GPX6: variants seen among roughly 807,000 people sequenced by gnomAD.
The protein encoded by GPX6 is glutathione peroxidase 6.
GPX6 carries 21 observed loss-of-function variants against 20.0 expected under a neutral mutation model. The observed-to-expected ratio is 1.05, with a 90% CI of 0.74 to 1.51. GPX6 has a LOEUF of 1.51. Among genes scored for constraint, GPX6 ranks in the 40% most tolerant of loss-of-function variants. The probability of loss-of-function intolerance (pLI) is 0.00; values close to 1 mark genes in which losing one functional copy is unlikely to be tolerated. For synonymous variants in GPX6, 75 were observed against 98.0 expected (o/e 0.77, Z 1.38); for missense variants, 233 against 254.7 (o/e 0.91, Z 0.58).
intron 1 of GPX6, among the ~76,000 whole-genome samples, chr6:28,513,633 C>G (rs555817884): frequency 6.6e-6 from 1 of 152,236 alleles, no homozygotes; most frequent in South Asian, 2.1e-4. Flanking sequence ...ACTTTTCTAC[C>G]CACAAGCATG....
chr6:28,512,656 T>C (rs923628939), intron 1 of GPX6, among the ~76,000 whole-genome samples: 1 of 152,176 alleles, frequency 6.6e-6, no homozygotes, highest in Non-Finnish European at 1.5e-5. Context: ...CCTTCCACAC[T>C]GTGGGAGCTT....
chr6:28,515,792 T>G lies in GPX6; in HGVS notation c.-49A>C. 1 of 1,509,158 alleles carries G rather than the reference T, an allele frequency of 6.6e-7. No homozygotes were observed. The highest frequency in any genetic ancestry group is 9.2e-7 in the Non-Finnish European group (1 of 1,085,822). 93.5% of individuals were successfully genotyped at this position (1,509,158 alleles called of 1,614,324 possible). A position where few individuals can be genotyped will look rare whatever the true frequency, so the allele number is the denominator to read the frequency against. Reference sequence around the variant, plus strand: ...GAGGTCCCCAGGATTTCAGCCCCTTTTGAGCCCCTGGCAGGGACCAATTTG... The same window carrying G: ...GAGGTCCCCAGGATTTCAGCCCCTTGTGAGCCCCTGGCAGGGACCAATTTG... On this transcript the variant is annotated 5_prime_UTR_variant, in exon 1 of 5. Coordinates refer to ENST00000361902, the MANE Select transcript of GPX6 (RefSeq NM_182701.1).
intron 1 of GPX6, among the ~76,000 whole-genome samples, chr6:28,513,439 G>A (rs1762952466): frequency 6.6e-6 from 1 of 152,158 alleles, no homozygotes; most frequent in African/African-American, 2.4e-5. Context: ...ACAGGTTTGA[G>A]CGGCGGGGAA....
rs776240106 is a variant in GPX6 at position 28,515,750 on chromosome 6, G to T, written c.-7C>A. On this transcript the variant is annotated 5_prime_UTR_variant, in exon 1 of 5. Coordinates refer to ENST00000361902, the MANE Select transcript of GPX6 (RefSeq NM_182701.1). ...CCTGGAACTGCTGGAACATGGCTAG[G>T]AGTTTTAGACGACTCTGAGGTCCCC... 6.2e-7 allele frequency: 1 copy of T among 1,612,506 alleles called. No individual in the cohort carries two copies. Among genetic ancestry groups the T allele is most frequent in the Non-Finnish European group, 8.5e-7 (1 of 1,178,598 alleles).
rs768522780 is a variant in GPX6, at chr6:28,504,445, C to T, written c.513G>A (p.Trp171Ter). The T allele has an allele frequency of 2.5e-6, 4 of 1,614,032 alleles. No homozygotes were observed. In the East Asian group the frequency reaches 8.9e-5, roughly 36 times the overall value. ...DLLGSSSQLF[W>*]EPMKVHDIRW... is the part of the protein sequence containing the mutation. Reference sequence around the variant, plus strand: ...GGATATCATGGACCTTCATGGGCTCCCAGAAGAGTTGGCTTGATGAGCCCA... The same window carrying T: ...GGATATCATGGACCTTCATGGGCTCTCAGAAGAGTTGGCTTGATGAGCCCA... The change falls in exon 5 of 5, where the codon TGG becomes TGA. Residue 171 changes from tryptophan (W) to a stop codon, truncating the protein, a stop_gained. Coordinates refer to ENST00000361902, the MANE Select transcript of GPX6 (RefSeq NM_182701.1). LOFTEE classifies it high-confidence loss of function.
In GPX6 at chr6:28,506,428, T is replaced by C; in HGVS notation, c.243A>G (p.Glu81=). ...TCAGCTCCTCCTGTAGTGCATTCAG[T>C]TCTGTAAGTGGACAATGAATAGCAG... is the stretch of plus-strand genomic sequence containing the variant. ...AYUGLAAQYP[E]LNALQEELKN... The change falls in exon 3 of 5, where the codon GAA becomes GAG. Residue 81 remains glutamate (E), a splice_region_variant and synonymous_variant. Coordinates refer to ENST00000361902, the MANE Select transcript of GPX6 (RefSeq NM_182701.1). 6.3e-7 allele frequency: 1 copy of C among 1,594,820 alleles called. No homozygotes were observed. The highest frequency in any genetic ancestry group is 8.6e-7 in the Non-Finnish European group (1 of 1,162,268).
chr6:28,515,596 C>G, intron 1 of GPX6, 61 bp downstream of exon 1: 1 of 1,313,296 alleles, frequency 7.6e-7, no homozygotes, highest in East Asian at 2.3e-5. Context: ...CCTTGCAACT[C>G]TGGCAGCCAG....
rs767179494 is a variant in GPX6 at position 28,504,388 on chromosome 6, G to A, written c.570C>T (p.Pro190=). 1.4e-5 allele frequency: 22 copies of A among 1,613,988 alleles called. No individual in the cohort carries two copies. The highest frequency in any genetic ancestry group is 6.6e-5 in the South Asian group (6 of 91,072). Residue 190 remains proline, a synonymous_variant, in exon 5 of 5, where the codon CCC becomes CCT. Coordinates refer to ENST00000361902, the MANE Select transcript of GPX6 (RefSeq NM_182701.1). ...ACCAATGCATGACAGGGACTCCATC[G>A]GGCCCCACCAGAAATTTCTCAAAGT... ...RWNFEKFLVG[P]DGVPVMHWFH...
chr6:28,508,934 C>T (rs1762834630), intron 2 of GPX6, among the ~76,000 whole-genome samples: 1 of 152,186 alleles, frequency 6.6e-6, no homozygotes, highest in Non-Finnish European at 1.5e-5. Context: ...TATTCAGCTA[C>T]TCTTGGTAAA....
At chr6:28,512,880 C>T (rs888761256) in intron 1 of GPX6, among the ~76,000 whole-genome samples, 6 of 152,218 alleles carry the variant, frequency 3.9e-5, no homozygotes, top group East Asian at 1.9e-4. Flanking sequence ...TCTTGAGCCT[C>T]TGCAGCTTCA....
intron 3 of GPX6, 48 bp from the exon 4 acceptor site, chr6:28,505,850 G>T: frequency 7.1e-7 from 1 of 1,417,742 alleles, no homozygotes; most frequent in Non-Finnish European, 1.0e-6. Context: ...TTAAGACATG[G>T]ATGGAAAATA....
At chr6:28,511,667 A>G (rs570909309) in intron 1 of GPX6, among the ~76,000 whole-genome samples, 2 of 152,384 alleles carry the variant, frequency 1.3e-5, no homozygotes, top group South Asian at 4.1e-4. Context: ...GTGAGAGGTG[A>G]CAACATGCTA....
At chr6:28,509,974 G>C (rs1246802980) in intron 2 of GPX6, among the ~76,000 whole-genome samples, 1 of 152,216 alleles carries the variant, frequency 6.6e-6, no homozygotes. Flanking sequence ...GTTTTTATCA[G>C]AAGTAACCGA....
rs1762957673 is a variant in GPX6 at position 28,513,480 on chromosome 6, T to G, written c.87+2177A>C. 2.6e-5 allele frequency among the ~76,000 whole-genome samples: 4 copies of G among 152,210 alleles called. No individual in the cohort carries two copies. In the South Asian group the frequency reaches 8.3e-4, roughly 32 times the overall value. On this transcript the variant is annotated intron_variant, in intron 1 of 4. Transcript: ENST00000361902. ...GCAGCGAGCCACACGCCCCGTCGCA[T>G]GCCTTGTGAGAGGGACAAGGGAACT... is the stretch of plus-strand genomic sequence containing the variant.
intron 1 of GPX6, among the ~76,000 whole-genome samples, chr6:28,512,339 G>A (rs1486083463): frequency 6.6e-6 from 1 of 152,226 alleles, no homozygotes; most frequent in Admixed American, 6.5e-5. Context: ...CTCAAGGTTT[G>A]TAAACACACC....
At position 28,515,694 on chromosome 6, in the gene GPX6, C is replaced by T; in HGVS notation, c.50G>A (p.Gly17Asp). ...AGGCTTTAGGGTCTGCTGAGCAAAGCCAACCAGGAAAAACAGGACAAGACA... is the reference window on the plus strand; with the variant it reads ...AGGCTTTAGGGTCTGCTGAGCAAAGTCAACCAGGAAAAACAGGACAAGACA... ...ASCLVLFFLV[G>D]FAQQTLKPQN... The change falls in exon 1 of 5, where the codon GGC becomes GAC. Residue 17 changes from glycine to aspartate, a missense_variant. Coordinates refer to ENST00000361902, the MANE Select transcript of GPX6 (RefSeq NM_182701.1). The T allele has an allele frequency of 6.2e-7, 1 of 1,614,032 alleles. No homozygotes were observed. The highest frequency in any genetic ancestry group is 1.1e-5 in the South Asian group (1 of 91,072).
chr6:28,511,559 C>T (rs982962167), intron 1 of GPX6, among the ~76,000 whole-genome samples: 7 of 152,270 alleles, frequency 4.6e-5, no homozygotes, highest in Non-Finnish European at 1.0e-4. Context: ...ACTCTGAGAC[C>T]CTAGCAGCCA....
intron 1 of GPX6, among the ~76,000 whole-genome samples, chr6:28,511,350 C>G (rs919641182): frequency 6.6e-6 from 1 of 152,230 alleles, no homozygotes; most frequent in Non-Finnish European, 1.5e-5. Context: ...AGGCCCATAA[C>G]TTCTCCAGAT....
Position 28,510,868 on chromosome 6 carries a change from C to G in GPX6, c.124G>C (p.Glu42Gln), listed in dbSNP as rs1480397175. ...CNKGVTGTIY[E>Q]YGALTLNGEE... The stretch of plus-strand genomic sequence containing the variant: ...CCGTTGAGGGTGAGGGCTCCATACT[C>G]ATAGATGGTGCCTGTTACCCCTTTG... Residue 42 changes from glutamate to glutamine, a missense_variant, in exon 2 of 5, where the codon GAG becomes CAG. By Grantham distance (29) the Glu-to-Gln change is conservative. Transcript: ENST00000361902. 1 of 1,613,282 alleles carries G rather than the reference C, an allele frequency of 6.2e-7. No individual in the cohort carries two copies. The highest frequency in any genetic ancestry group is 8.5e-7 in the Non-Finnish European group (1 of 1,179,442).
Sources: gnomAD v4.1 joint callset for allele counts (sites outside exome capture counted in the v4.1 genomes callset) on GRCh38, gnomAD v4.1.1 for gene constraint, MANE v1.5 for transcripts, NCBI Gene and HGNC (gene_info 2026-07-23, HGNC 2026-07-21) for gene names.